The following SLF2 variants were observed in gnomAD, a reference collection of about 807,000 sequenced individuals.
SLF2 encodes SMC5/6 complex localization factor 2, also known as SMC5-SMC6 complex localization factor protein 2.
Under a neutral mutation model 124.3 loss-of-function variants are expected in SLF2, and 68 were observed. That is an observed-to-expected ratio of 0.55 (90% CI 0.45 to 0.67). The LOEUF (loss-of-function observed/expected upper bound fraction) is 0.67, where lower values mean the gene tolerates loss of function less well. Among genes scored for constraint, SLF2 ranks in the 30% least tolerant of loss-of-function variants. SLF2 has a pLI of 0.00. For synonymous variants in SLF2, 480 were observed against 478.8 expected (o/e 1.00, Z -0.03); for missense variants, 1,246 against 1,373.7 (o/e 0.91, Z 1.47).
intron 9 of SLF2, among the ~76,000 whole-genome samples, chr10:100,935,846 T>G (rs11190760): frequency 0.46 from 63,125 of 138,012 alleles, 15,454 homozygotes; most frequent in Middle Eastern, 0.6. Context: ...ATTTTTTGGG[T>G]TTTTTTTTTT....
Position 100,961,776 on chromosome 10 carries a change from T to A in SLF2, c.3487-101T>A. 8 of 981,184 alleles carry A rather than the reference T, an allele frequency of 8.2e-6. 1 individual carries two copies. The South Asian group carries it at 1.4e-4, about 17-fold the overall frequency. The allele number at this position is 981,184 out of a possible 1,614,324, so 60.8% of individuals were successfully genotyped here. A position where few individuals can be genotyped will look rare whatever the true frequency, so the allele number is the denominator to read the frequency against. Reference sequence around the variant, plus strand: ...CAATATAAAGATTTTATTACTTGTCTTATCAAAGCCCATTGTCTGATGATT... The same window carrying A: ...CAATATAAAGATTTTATTACTTGTCATATCAAAGCCCATTGTCTGATGATT... On this transcript the variant is annotated intron_variant, in intron 19 of 19. Coordinates refer to ENST00000238961, the MANE Select transcript of SLF2 (RefSeq NM_018121.4).
intron 14 of SLF2, 92 bp from the exon 15 acceptor site, chr10:100,947,668 A>G (rs376653253): frequency 1.1e-5 from 9 of 807,900 alleles, no homozygotes; most frequent in Middle Eastern, 3.9e-4. Flanking sequence ...TATATTTCCA[A>G]TTAGAACTAG....
In SLF2 at chr10:100,964,659, A is replaced by C. The variant is rs1192538632; in HGVS notation, c.*2747A>C. The C allele has an allele frequency of 6.6e-6, 1 of 152,668 alleles. No individual in the cohort carries two copies. The highest frequency in any genetic ancestry group is 1.5e-5 in the Non-Finnish European group (1 of 68,040). 9.5% of individuals were successfully genotyped at this position (152,668 alleles called of 1,614,324 possible). ...AAAAGATACAAAATGGCGTGTTATCATCCAGGCTTAGTTGGAGTATTTGCA... is the reference window on the plus strand; with the variant it reads ...AAAAGATACAAAATGGCGTGTTATCCTCCAGGCTTAGTTGGAGTATTTGCA... On this transcript the variant is annotated 3_prime_UTR_variant, in exon 20 of 20. Coordinates refer to ENST00000238961, the MANE Select transcript of SLF2 (RefSeq NM_018121.4).
chr10:100,950,321 C>A, intron 16 of SLF2, 114 bp downstream of exon 16: 2 of 1,124,830 alleles, frequency 1.8e-6, no homozygotes, highest in Non-Finnish European at 2.5e-6. Flanking sequence ...CACATTCTAG[C>A]AAACATAATT....
chr10:100,965,025 A>AT lies in SLF2; in HGVS notation c.*3120dup, dbSNP rs1240843285. On this transcript the variant is annotated 3_prime_UTR_variant, in exon 20 of 20. Transcript: ENST00000238961. The surrounding 1 kb of genome is among the most constrained non-coding windows in gnomAD (Gnocchi z 4.1). ...ACCAGCTCTTAGGAAGTAAATACAGATTTTTTTCTTTCCTTTTTTTTTTTT... is the reference window on the plus strand; with the variant it reads ...ACCAGCTCTTAGGAAGTAAATACAGATTTTTTTTCTTTCCTTTTTTTTTTTT... 1 of 143,960 alleles carries AT rather than the reference A, an allele frequency of 6.9e-6. No homozygotes were observed. The highest frequency in any genetic ancestry group is 1.5e-5 in the Non-Finnish European group (1 of 65,586). 8.9% of individuals were successfully genotyped at this position (143,960 alleles called of 1,614,324 possible).
intron 17 of SLF2, among the ~76,000 whole-genome samples, chr10:100,955,430 T>C (rs1360478731): frequency 3.3e-5 from 5 of 152,086 alleles, no homozygotes; most frequent in African/African-American, 1.2e-4. Flanking sequence ...GTATAATACA[T>C]TCATAAGATA....
chr10:100,923,079 A>G (rs551508520), intron 4 of SLF2, among the ~76,000 whole-genome samples: 86 of 152,260 alleles, frequency 5.6e-4, no homozygotes, highest in Non-Finnish European at 1.1e-3. Context: ...CTCAGCCCAC[A>G]ATATGAATTT....
At chr10:100,938,845 A>G in intron 11 of SLF2, 109 bp downstream of exon 11, 1 of 1,035,520 alleles carries the variant, frequency 9.7e-7, no homozygotes, top group Non-Finnish European at 1.3e-6. Flanking sequence ...GATCTCTCAA[A>G]GTTGAGATCA....
intron 10 of SLF2, among the ~76,000 whole-genome samples, chr10:100,938,291 G>T (rs1471182082): frequency 6.6e-6 from 1 of 151,610 alleles, no homozygotes; most frequent in Non-Finnish European, 1.5e-5. Flanking sequence ...AAGTCTTCCT[G>T]TGTTATTGAT....
intron 6 of SLF2, among the ~76,000 whole-genome samples, chr10:100,927,056 C>T (rs1466026318): frequency 2.7e-5 from 4 of 150,268 alleles, no homozygotes; most frequent in Admixed American, 6.7e-5. Flanking sequence ...AATTCTAGAT[C>T]GAAAGCATGG....
At chr10:100,926,281 C>A in intron 6 of SLF2, 1 of 1,481,490 alleles carries the variant, frequency 6.7e-7, no homozygotes, top group South Asian at 1.3e-5. Flanking sequence ...TTCACTGCAG[C>A]CTGGGTGGCA....
In SLF2 at chr10:100,935,859, CT is replaced by C. The variant is rs556164456; in HGVS notation, c.2437-1526del. The stretch of plus-strand genomic sequence containing the variant: ...GGATTTTTTGGGTTTTTTTTTTTTT[CT>C]TTTTTTTTTTTTTTTTGAGACAGGG... On this transcript the variant is annotated intron_variant, in intron 9 of 19. Coordinates refer to ENST00000238961, the MANE Select transcript of SLF2 (RefSeq NM_018121.4). 4.4e-3 allele frequency among the ~76,000 whole-genome samples: 441 copies of C among 99,322 alleles called. 1 individual carries two copies. Among genetic ancestry groups the C allele is most frequent in the African/African-American group, 0.015 (409 of 26,800 alleles). The allele number at this position is 99,322 out of a possible 152,430, so 65.2% of individuals were successfully genotyped here. A position where few individuals can be genotyped will look rare whatever the true frequency, so the allele number is the denominator to read the frequency against.
intron 6 of SLF2, among the ~76,000 whole-genome samples, chr10:100,928,122 T>A (rs1336269327): frequency 7.8e-6 from 1 of 128,168 alleles, no homozygotes; most frequent in African/African-American, 3.2e-5. Context: ...AGGATCATAA[T>A]GATCTTAATG....
At chr10:100,932,716 TGTGTGCGC>T (rs752848244) in intron 9 of SLF2, among the ~76,000 whole-genome samples, 2,283 of 37,170 alleles carry the variant, frequency 0.061, 18 homozygotes, top group Middle Eastern at 0.15. Context: ...TGTGTGTGTG[TGTGTGCGC>T]GCGCGCGCGC....
chr10:100,952,515 C>A (rs1850236824), intron 17 of SLF2, among the ~76,000 whole-genome samples: 1 of 150,508 alleles, frequency 6.6e-6, no homozygotes, highest in Admixed American at 6.6e-5. Flanking sequence ...CCACTATACT[C>A]CAGCCTGGGC....
intron 4 of SLF2, among the ~76,000 whole-genome samples, chr10:100,920,818 C>G (rs903746966): frequency 6.6e-6 from 1 of 151,952 alleles, no homozygotes; most frequent in Non-Finnish European, 1.5e-5. Flanking sequence ...GGCATGGTGC[C>G]CAAGCCTGTA....
Position 100,947,810 on chromosome 10 carries a change from A to C in SLF2, c.3083A>C (p.Glu1028Ala), listed in dbSNP as rs1386842840. 1.2e-6 allele frequency: 2 copies of C among 1,612,256 alleles called. No homozygotes were observed. The highest frequency in any genetic ancestry group is 1.7e-6 in the Non-Finnish European group (2 of 1,179,180). The change falls in exon 15 of 20, where the codon GAG becomes GCG. Residue 1028 changes from glutamate to alanine, a missense_variant. Glu to Ala is a moderately radical substitution (Grantham distance 107). Around this residue, in one of 3 missense-constraint regions of SLF2, gnomAD observed 535 missense variants for 632.8 expected, o/e 0.85. Transcript: ENST00000238961. ...GTGATTATTTCAAAGCTTTTGGATG[A>C]GAAACACGAAGATGTTCCTAATGCC... ...SLVIISKLLDEKHEDVPNASN... is the reference protein window; with the variant it reads ...SLVIISKLLDAKHEDVPNASN...
At chr10:100,946,049 C>T (rs1850098127) in intron 13 of SLF2, among the ~76,000 whole-genome samples, 1 of 152,092 alleles carries the variant, frequency 6.6e-6, no homozygotes, top group Non-Finnish European at 1.5e-5. Context: ...CTTCTGCAAC[C>T]ATATGGAGGA....
Position 100,940,920 on chromosome 10 carries a change from C to G in SLF2, c.2654+2184C>G, listed in dbSNP as rs942994234. On this transcript the variant is annotated intron_variant, in intron 11 of 19. Transcript: ENST00000238961. The stretch of plus-strand genomic sequence containing the variant: ...GCACGGTTATGGGTCACTGCAGCCT[C>G]GAACTCCTGAGTTCAAGTGGCCCTC... 4.7e-5 allele frequency among the ~76,000 whole-genome samples: 7 copies of G among 150,328 alleles called. No homozygotes were observed. In the East Asian group the frequency reaches 1.4e-3, roughly 29 times the overall value.
Sources: gnomAD v4.1 joint callset for allele counts (sites outside exome capture counted in the v4.1 genomes callset) on GRCh38, gnomAD v4.1.1 for gene constraint, gnomAD v4.1.1 regional missense constraint, Gnocchi (gnomAD v3.1) non-coding constraint, MANE v1.5 for transcripts, NCBI Gene and HGNC (gene_info 2026-07-23, HGNC 2026-07-21) for gene names.